The following SPON1 variants were observed in gnomAD, a reference collection of about 807,000 sequenced individuals.
The protein encoded by SPON1 is spondin 1.
In SPON1, 52 loss-of-function variants were observed where a neutral mutation model predicts 111.7. The observed-to-expected ratio is 0.47, with a 90% confidence interval of 0.37 to 0.59. SPON1 has a LOEUF of 0.59. Among genes scored for constraint, SPON1 ranks in the 20% least tolerant of loss-of-function variants. The pLI is 0.00. For missense variants in SPON1, 957 were observed against 1,068.5 expected (o/e 0.90, Z 1.46); for synonymous variants, 410 against 395.8 (o/e 1.04, Z -0.43).
In SPON1 at chr11:14,135,591, TG is replaced by T; in HGVS notation, c.825+24del. 6.2e-7 allele frequency: 1 copy of T among 1,609,206 alleles called. No homozygotes were observed. On this transcript the variant is annotated intron_variant, in intron 6 of 15. Coordinates refer to ENST00000576479, the MANE Select transcript of SPON1 (RefSeq NM_006108.4). This position sits in a 1 kb window ranked among gnomAD's most constrained non-coding sequence, Gnocchi z 4.4. Reference sequence around the variant, plus strand: ...CAGGTAAGACAAAAAAATCACAGAATGACCAAATAACAGAAATGCAGTCAAA... The same window carrying T: ...CAGGTAAGACAAAAAAATCACAGAATACCAAATAACAGAAATGCAGTCAAA...
At chr11:14,178,294 C>T (rs567973857) in intron 6 of SPON1, among the ~76,000 whole-genome samples, 68 of 151,974 alleles carry the variant, frequency 4.5e-4, no homozygotes, top group Middle Eastern at 3.4e-3. Flanking sequence ...TGGTGGCGGG[C>T]GCCTGTAGTC....
At chr11:14,204,977 G>A (rs527590681) in intron 6 of SPON1, among the ~76,000 whole-genome samples, 2 of 152,172 alleles carry the variant, frequency 1.3e-5, no homozygotes, top group South Asian at 2.1e-4. Context: ...GTGAGCCACC[G>A]CGCCTGGCCG....
intron 6 of SPON1, among the ~76,000 whole-genome samples, chr11:14,158,784 G>A (rs941859272): frequency 3.3e-5 from 5 of 152,020 alleles, no homozygotes; most frequent in Non-Finnish European, 4.4e-5. Flanking sequence ...ATATAAGCTC[G>A]CTTATCAGTG....
chr11:14,024,835 T>C (rs1459998340), intron 2 of SPON1, among the ~76,000 whole-genome samples: 1 of 152,130 alleles, frequency 6.6e-6, no homozygotes, highest in African/African-American at 2.4e-5. Context: ...TGTGAGGACA[T>C]TGGTGTGTGT....
intron 2 of SPON1, among the ~76,000 whole-genome samples, chr11:13,986,353 C>G (rs566428903): frequency 6.6e-6 from 1 of 152,224 alleles, no homozygotes; most frequent in South Asian, 2.1e-4. Flanking sequence ...TAACAACAAC[C>G]ACAAAATTCT....
chr11:14,076,346 TA>T (rs782474441), intron 4 of SPON1, among the ~76,000 whole-genome samples: 4 of 152,324 alleles, frequency 2.6e-5, no homozygotes, highest in South Asian at 4.1e-4. Context: ...CCTCTCCAAC[TA>T]TAGCAAAGTA....
intron 5 of SPON1, among the ~76,000 whole-genome samples, chr11:14,129,059 G>C (rs541240855): frequency 1.6e-4 from 25 of 152,386 alleles, no homozygotes; most frequent in African/African-American, 6.0e-4. Context: ...TGTGATAGCA[G>C]GGGCTGCTGT....
At chr11:14,019,548 T>C (rs1174113642) in intron 2 of SPON1, among the ~76,000 whole-genome samples, 1 of 152,114 alleles carries the variant, frequency 6.6e-6, no homozygotes, top group African/African-American at 2.4e-5. Context: ...AGGTAGAGTA[T>C]TATATATGAT....
rs75160078 is a variant in SPON1 at position 14,098,695 on chromosome 11, G to A, written c.676+18674G>A. Reference sequence around the variant, plus strand: ...TGGGAAGAGAGAGAGAGAGAGAATAGGAGGGGAAGAGAGACAGAGGGAGAA... The same window carrying A: ...TGGGAAGAGAGAGAGAGAGAGAATAAGAGGGGAAGAGAGACAGAGGGAGAA... On this transcript the variant is annotated intron_variant, in intron 5 of 15. Transcript: ENST00000576479. Among the ~76,000 whole-genome samples, 243 of 152,000 alleles carry A rather than the reference G, an allele frequency of 1.6e-3. 4 individuals carry two copies. In the East Asian group the frequency reaches 0.022, roughly 14 times the overall value.
rs1158792346 is a variant in SPON1 at position 14,212,125 on chromosome 11, T to G, written c.826-31207T>G. Among the ~76,000 whole-genome samples, 3 of 152,200 alleles carry G rather than the reference T, an allele frequency of 2.0e-5. No homozygotes were observed. The East Asian group carries it at 5.8e-4, about 29-fold the overall frequency. Reference sequence around the variant, plus strand: ...TAATGTTAGTCTTTTATTGATTTTTTTTTTTTGCATTTCTTTAGTAACCTT... The same window carrying G: ...TAATGTTAGTCTTTTATTGATTTTTGTTTTTTGCATTTCTTTAGTAACCTT... On this transcript the variant is annotated intron_variant, in intron 6 of 15. Transcript: ENST00000576479.
At chr11:14,027,091 T>A (rs1054479249) in intron 2 of SPON1, among the ~76,000 whole-genome samples, 2 of 152,240 alleles carry the variant, frequency 1.3e-5, no homozygotes, top group South Asian at 4.1e-4. Flanking sequence ...GGAAACTGCA[T>A]CCCTTGAGGA....
chr11:14,261,327 G>C (rs1849169400), intron 14 of SPON1, among the ~76,000 whole-genome samples: 2 of 152,162 alleles, frequency 1.3e-5, no homozygotes, highest in Admixed American at 1.3e-4. Flanking sequence ...TCCTTGGCTG[G>C]TCTTCCAAGA....
chr11:14,150,173 T>G (rs556574781), intron 6 of SPON1, among the ~76,000 whole-genome samples: 8 of 152,226 alleles, frequency 5.3e-5, no homozygotes, highest in African/African-American at 1.7e-4. Flanking sequence ...TTTGAGGCAA[T>G]GTAGATGAGC....
chr11:14,007,536 G>A (rs1848371549), intron 2 of SPON1, among the ~76,000 whole-genome samples: 1 of 152,090 alleles, frequency 6.6e-6, no homozygotes, highest in Non-Finnish European at 1.5e-5. Context: ...ATTAGATGGT[G>A]CCCACCCAGA....
At chr11:14,045,859 T>TA (rs1554917780) in intron 3 of SPON1, among the ~76,000 whole-genome samples, 4 of 152,056 alleles carry the variant, frequency 2.6e-5, no homozygotes, top group Non-Finnish European at 5.9e-5. Flanking sequence ...TTGAAATTTT[T>TA]ATGTAATCAA....
At chr11:14,138,421 A>G (rs10741635) in intron 6 of SPON1, among the ~76,000 whole-genome samples, 60,200 of 151,980 alleles carry the variant, frequency 0.4, 12,161 homozygotes, top group East Asian at 0.54. Context: ...TAACTGCAAA[A>G]CACCAAGAAA....
intron 2 of SPON1, among the ~76,000 whole-genome samples, chr11:13,998,769 T>C (rs1453622639): frequency 6.6e-6 from 1 of 152,252 alleles, no homozygotes; most frequent in Non-Finnish European, 1.5e-5. Flanking sequence ...CTTACCCACT[T>C]GTTTGCAAAC....
At chr11:14,048,307 G>A (rs1564893386) in intron 3 of SPON1, among the ~76,000 whole-genome samples, 1 of 152,130 alleles carries the variant, frequency 6.6e-6, no homozygotes, top group Non-Finnish European at 1.5e-5. Flanking sequence ...ATAAAGAGGG[G>A]GATACCAACT....
intron 6 of SPON1, among the ~76,000 whole-genome samples, chr11:14,219,974 C>A (rs997440487): frequency 1.3e-5 from 2 of 151,814 alleles, no homozygotes; most frequent in Non-Finnish European, 2.9e-5. Context: ...GAAGTCCCAG[C>A]TACTCAGGAG....
Sources: gnomAD v4.1 joint callset for allele counts (sites outside exome capture counted in the v4.1 genomes callset) on GRCh38, gnomAD v4.1.1 for gene constraint, Gnocchi (gnomAD v3.1) non-coding constraint, MANE v1.5 for transcripts, NCBI Gene and HGNC (gene_info 2026-07-23, HGNC 2026-07-21) for gene names.